Variants in CHRNB4 observed in about 807,000 individuals in gnomAD.
CHRNB4 encodes the protein cholinergic receptor nicotinic beta 4 subunit, also known as neuronal acetylcholine receptor subunit beta-4.
Under a neutral mutation model 40.4 loss-of-function variants are expected in CHRNB4, and 23 were observed. That is an observed-to-expected ratio of 0.57 (90% CI 0.41 to 0.81). The LOEUF is 0.81. CHRNB4 is among the 30% of genes least tolerant of loss of function. CHRNB4 has a pLI of 0.00. For missense variants in CHRNB4, 568 were observed against 670.6 expected, an observed-to-expected ratio of 0.85 and a Z score of 1.69; for synonymous variants, 285 against 274.4, an observed-to-expected ratio of 1.04 and a Z score of -0.38.
chr15:78,633,434 A>C (rs2053877422), intron 2 of CHRNB4, among the ~76,000 whole-genome samples: 1 of 152,190 alleles, frequency 6.6e-6, no homozygotes, highest in Non-Finnish European at 1.5e-5. Flanking sequence ...CCCTCATAAG[A>C]ATGGATCAAA....
At chr15:78,651,640 G>A (rs1047112347) in intron 6 of CHRNB4, among the ~76,000 whole-genome samples, 4 of 152,136 alleles carry the variant, frequency 2.6e-5, no homozygotes, top group Admixed American at 2.0e-4. Context: ...CCACAATCAT[G>A]TAAGGTCTAA....
At chr15:78,651,329 A>T (rs1415074485) in intron 6 of CHRNB4, among the ~76,000 whole-genome samples, 1 of 152,224 alleles carries the variant, frequency 6.6e-6, no homozygotes, top group East Asian at 1.9e-4. Flanking sequence ...TGGTTTCAGC[A>T]GTGACAGATG....
At chr15:78,640,973 A>G (rs71534214) in intron 1 of CHRNB4, 106 bp downstream of exon 1, 5 of 1,281,398 alleles carry the variant, frequency 3.9e-6, no homozygotes, top group South Asian at 2.7e-5. Flanking sequence ...ATCTCGGGCC[A>G]CTCCCCCGGG....
chr15:78,651,458 T>C (rs564789778), intron 6 of CHRNB4, among the ~76,000 whole-genome samples: 1 of 152,314 alleles, frequency 6.6e-6, no homozygotes, highest in South Asian at 2.1e-4. Context: ...TTTGTGCAGA[T>C]CCACAGATGT....
At chr15:78,634,085 C>T (rs1416966480) in intron 2 of CHRNB4, among the ~76,000 whole-genome samples, 1 of 152,138 alleles carries the variant, frequency 6.6e-6, no homozygotes, top group East Asian at 1.9e-4. Context: ...TACCTATAAC[C>T]CTCCCTCCTC....
chr15:78,644,554 C>A (rs938094955), upstream of CHRNB4, among the ~76,000 whole-genome samples: 7 of 152,056 alleles, frequency 4.6e-5, no homozygotes, highest in Non-Finnish European at 8.8e-5. Flanking sequence ...ACCTCCAGAA[C>A]TGAGAAAATA....
chr15:78,645,460 T>C (rs186696650), upstream of CHRNB4, among the ~76,000 whole-genome samples: 248 of 152,262 alleles, frequency 1.6e-3, no homozygotes, highest in African/African-American at 5.8e-3. Context: ...TGTCTTGCCA[T>C]ATCTAATGAA....
upstream of CHRNB4, chr15:78,660,950 T>A: frequency 2.4e-6 from 1 of 410,796 alleles, no homozygotes; most frequent in Non-Finnish European, 4.6e-6. Flanking sequence ...AGTTTCTGAC[T>A]CAGCAGGACA....
At position 78,631,165 on chromosome 15, in the gene CHRNB4, C is replaced by T; in HGVS notation, c.270G>A (p.Leu90=). The change falls in exon 4 of 6, where the codon CTG becomes CTA. Residue 90 remains leucine, a synonymous_variant. Transcript: ENST00000261751. ...CCTCGTAGCGGGAGCTGTTCCAGGT[C>T]AGGCGGTAATCAGTCCATTCCTGGA... ...WLKQEWTDYR[L]TWNSSRYEGV... is the part of the protein sequence containing the mutation. 1 of 1,614,224 alleles carries T rather than the reference C, an allele frequency of 6.2e-7. No homozygotes were observed. Among genetic ancestry groups the T allele is most frequent in the Non-Finnish European group, 8.5e-7 (1 of 1,180,030 alleles).
chr15:78,661,159 C>G, upstream of CHRNB4: 1 of 622,404 alleles, frequency 1.6e-6, no homozygotes, highest in Middle Eastern at 5.0e-4. Flanking sequence ...GCCGAAATGC[C>G]GGTACACCTC....
At chr15:78,655,055 T>A (rs576456074) in intron 5 of CHRNB4, among the ~76,000 whole-genome samples, 2 of 152,326 alleles carry the variant, frequency 1.3e-5, no homozygotes, top group Non-Finnish European at 2.9e-5. Context: ...AAGCCAAAAT[T>A]CAGACAGCAA....
chr15:78,641,124 C>T lies in CHRNB4; in HGVS notation c.10G>A (p.Ala4Thr), dbSNP rs2054065925. 6.4e-7 allele frequency: 1 copy of T among 1,572,662 alleles called. No individual in the cohort carries two copies. Among genetic ancestry groups the T allele is most frequent in the East Asian group, 2.3e-5 (1 of 42,884 alleles). Residue 4 changes from alanine to threonine, a missense_variant, in exon 1 of 6, where the codon GCG becomes ACG. Around this residue, in one of 4 missense-constraint regions of CHRNB4, gnomAD observed 161 missense variants for 148.1 expected, o/e 1.09. Transcript: ENST00000261751. MRR[A>T]PSLVLFFLVA... ...AGGAAGAAAAGGACCAGGGAAGGCG[C>T]GCGCCTCATGGCCGGCGGGGCCGGG...
At chr15:78,656,397 T>C (rs2054214131) in exon 4 of CHRNB4, 1 of 149,696 alleles carries the variant, frequency 6.7e-6, no homozygotes, top group Non-Finnish European at 1.5e-5. Flanking sequence ...GTGACTAGGG[T>C]TAAACAAAAA....
intron 1 of CHRNB4, 152 bp from the exon 2 acceptor site, chr15:78,635,739 C>T: frequency 1.1e-6 from 1 of 952,090 alleles, no homozygotes; most frequent in South Asian, 1.6e-5. Flanking sequence ...TCCTTGAGGA[C>T]TTCAAATTAA....
intron 4 of CHRNB4, 118 bp from the exon 5 acceptor site, chr15:78,630,063 C>A: frequency 8.5e-7 from 1 of 1,172,284 alleles, no homozygotes; most frequent in East Asian, 2.7e-5. Flanking sequence ...CTTCCAATCC[C>A]CCAGGCCCTC....
intron 5 of CHRNB4, among the ~76,000 whole-genome samples, chr15:78,628,618 C>T (rs559315348): frequency 5.3e-4 from 81 of 152,202 alleles, no homozygotes; most frequent in African/African-American, 4.1e-4. Context: ...CCCGGGTACC[C>T]ACGGCAGTAT....
exon 2 of CHRNB4, chr15:78,658,348 T>C (rs905373160): frequency 6.6e-6 from 1 of 152,178 alleles, no homozygotes; most frequent in Non-Finnish European, 1.5e-5. Flanking sequence ...TATTTCTATA[T>C]CACCTGGGCC....
At chr15:78,659,506 G>A (rs912075542) in intron 1 of CHRNB4, among the ~76,000 whole-genome samples, 1 of 152,202 alleles carries the variant, frequency 6.6e-6, no homozygotes, top group Non-Finnish European at 1.5e-5. Flanking sequence ...ACAAAACAGA[G>A]TGATGTGCTG....
upstream of CHRNB4, among the ~76,000 whole-genome samples, chr15:78,644,342 A>T (rs937858505): frequency 1.0e-5 from 1 of 96,908 alleles, no homozygotes; most frequent in Non-Finnish European, 2.8e-5. Flanking sequence ...GGAGTGATTA[A>T]GTCATAATGG....
Sources: gnomAD v4.1 joint callset for allele counts (sites outside exome capture counted in the v4.1 genomes callset) on GRCh38, gnomAD v4.1.1 for gene constraint, gnomAD v4.1.1 regional missense constraint, MANE v1.5 for transcripts, NCBI Gene and HGNC (gene_info 2026-07-23, HGNC 2026-07-21) for gene names.